SPIDR: variants seen among roughly 807,000 people sequenced by gnomAD.
SPIDR encodes DNA repair-scaffolding protein.
In SPIDR, 93 loss-of-function variants were observed where a neutral mutation model predicts 104.6. The ratio of observed to expected loss-of-function variants is 0.89; its 90% CI spans 0.75 to 1.06. The LOEUF (loss-of-function observed/expected upper bound fraction) is 1.06. Ranked by LOEUF, SPIDR falls within the 50% of genes least tolerant of loss-of-function variation. The pLI is 0.00. For synonymous variants in SPIDR, 431 were observed against 416.9 expected, an observed-to-expected ratio of 1.03 and a Z score of -0.41; for missense variants, 1,154 against 1,111.2, an observed-to-expected ratio of 1.04 and a Z score of -0.55.
chr8:47,312,646 G>A (rs188068636), intron 5 of SPIDR, among the ~76,000 whole-genome samples: 138 of 152,198 alleles, frequency 9.1e-4, no homozygotes, highest in South Asian at 4.8e-3. Flanking sequence ...GGTAGGTTGC[G>A]AAAATTTTCT....
Position 47,538,373 on chromosome 8 carries a change from G to A in SPIDR, c.1098-57438G>A, listed in dbSNP as rs1291722384. ...GGCCTGGCCAACATGGTGAAACCCCGTCTCTACTAAAATACAAAAATTAGC... is the reference window on the plus strand; with the variant it reads ...GGCCTGGCCAACATGGTGAAACCCCATCTCTACTAAAATACAAAAATTAGC... On this transcript the variant is annotated intron_variant, in intron 8 of 19. Transcript: ENST00000297423. Among the ~76,000 whole-genome samples, 8 of 151,802 alleles carry A rather than the reference G, an allele frequency of 5.3e-5. No individual in the cohort carries two copies. In the East Asian group the frequency reaches 9.7e-4, roughly 18 times the overall value.
At chr8:47,489,330 C>A (rs1420570717) in intron 8 of SPIDR, among the ~76,000 whole-genome samples, 1 of 152,140 alleles carries the variant, frequency 6.6e-6, no homozygotes, top group Non-Finnish European at 1.5e-5. Flanking sequence ...GAACTACAAA[C>A]CACTGCTCAA....
At chr8:47,418,904 A>G (rs528107527) in intron 7 of SPIDR, among the ~76,000 whole-genome samples, 44 of 152,252 alleles carry the variant, frequency 2.9e-4, no homozygotes, top group African/African-American at 9.4e-4. Flanking sequence ...GGTTTTGTTT[A>G]TATGCTGGGT....
intron 5 of SPIDR, among the ~76,000 whole-genome samples, chr8:47,341,932 G>A (rs545008800): frequency 5.3e-5 from 8 of 152,200 alleles, no homozygotes; most frequent in African/African-American, 1.4e-4. Context: ...CGTGTTTCTC[G>A]GAGTTGCGCA....
intron 8 of SPIDR, among the ~76,000 whole-genome samples, chr8:47,445,247 C>T (rs782506936): frequency 1.3e-5 from 2 of 152,200 alleles, no homozygotes; most frequent in African/African-American, 4.8e-5. Flanking sequence ...GTCTCTATAT[C>T]ACATTTGAAT....
intron 10 of SPIDR, among the ~76,000 whole-genome samples, chr8:47,660,281 A>G (rs1412827042): frequency 1.3e-5 from 2 of 148,458 alleles, no homozygotes; most frequent in African/African-American, 2.4e-5. Flanking sequence ...TAAGAAAAGG[A>G]AAAAAAAATT....
chr8:47,662,239 C>G (rs956200500), intron 10 of SPIDR, among the ~76,000 whole-genome samples: 4 of 152,142 alleles, frequency 2.6e-5, no homozygotes, highest in African/African-American at 9.7e-5. Flanking sequence ...GGACTGGGAC[C>G]AGGCGTGGAG....
At chr8:47,590,070 A>G (rs2060807958) in intron 8 of SPIDR, among the ~76,000 whole-genome samples, 1 of 151,884 alleles carries the variant, frequency 6.6e-6, no homozygotes, top group Non-Finnish European at 1.5e-5. Flanking sequence ...GCTACTCAGG[A>G]GGCTGAGGCA....
chr8:47,384,919 C>T (rs2059714138), intron 5 of SPIDR, among the ~76,000 whole-genome samples: 1 of 152,124 alleles, frequency 6.6e-6, no homozygotes, highest in Admixed American at 6.5e-5. Flanking sequence ...AATAATGTGT[C>T]CTCTCCTACC....
chr8:47,551,296 G>A (rs951447667), intron 8 of SPIDR, among the ~76,000 whole-genome samples: 20 of 152,292 alleles, frequency 1.3e-4, no homozygotes, highest in African/African-American at 4.6e-4. Flanking sequence ...ATATGAGTTA[G>A]GGAGGATTCC....
chr8:47,260,900 C>T (rs1478652912), upstream of SPIDR: 8 of 1,198,956 alleles, frequency 6.7e-6, no homozygotes, highest in African/African-American at 4.8e-5. Context: ...CGGTGCGGCG[C>T]GCCGAGGTGG....
chr8:47,510,137 T>C (rs1441428472), intron 8 of SPIDR, among the ~76,000 whole-genome samples: 2 of 152,234 alleles, frequency 1.3e-5, no homozygotes, highest in African/African-American at 4.8e-5. Flanking sequence ...GGGTTTTTTT[T>C]CCTAAAAATT....
At chr8:47,600,050 G>A (rs1024883093) in intron 10 of SPIDR, among the ~76,000 whole-genome samples, 21 of 151,888 alleles carry the variant, frequency 1.4e-4, no homozygotes, top group Middle Eastern at 3.4e-3. Context: ...GAGCCACCAC[G>A]CCCAGTCTGG....
chr8:47,654,019 A>G, intron 10 of SPIDR: 1 of 1,288,056 alleles, frequency 7.8e-7, no homozygotes, highest in Non-Finnish European at 1.0e-6. Flanking sequence ...ATCAGATTCC[A>G]TGAGGGGAAC....
intron 5 of SPIDR, among the ~76,000 whole-genome samples, chr8:47,371,653 G>A (rs1166818421): frequency 1.3e-5 from 2 of 152,128 alleles, no homozygotes; most frequent in African/African-American, 2.4e-5. Flanking sequence ...AGGAATCTTG[G>A]GGGGAGACAC....
At chr8:47,590,624 G>A (rs532449118) in intron 8 of SPIDR, among the ~76,000 whole-genome samples, 2 of 152,122 alleles carry the variant, frequency 1.3e-5, no homozygotes, top group African/African-American at 4.8e-5. Context: ...TATGTATTCT[G>A]CTGTTGTTTG....
intron 7 of SPIDR, among the ~76,000 whole-genome samples, chr8:47,425,407 G>A (rs1174503396): frequency 6.6e-6 from 1 of 152,128 alleles, no homozygotes; most frequent in Admixed American, 6.5e-5. Flanking sequence ...AGCAGAGAGA[G>A]AAAATCGGGA....
intron 8 of SPIDR, among the ~76,000 whole-genome samples, chr8:47,483,336 CA>C (rs1384584370): frequency 6.6e-6 from 1 of 152,070 alleles, no homozygotes; most frequent in African/African-American, 2.4e-5. Context: ...TCCTGCCAGG[CA>C]AAAAGAATTA....
chr8:47,455,437 TATCTA>T (rs1169780066), intron 8 of SPIDR, among the ~76,000 whole-genome samples: 3 of 150,094 alleles, frequency 2.0e-5, no homozygotes, highest in African/African-American at 7.4e-5. Context: ...AACAGAAAAA[TATCTA>T]GTAATGAAGT....
Sources: gnomAD v4.1 joint callset for allele counts (sites outside exome capture counted in the v4.1 genomes callset) on GRCh38, gnomAD v4.1.1 for gene constraint, MANE v1.5 for transcripts, NCBI Gene and HGNC (gene_info 2026-07-23, HGNC 2026-07-21) for gene names.